SRBD1: variants seen among roughly 807,000 people sequenced by gnomAD.
SRBD1 encodes S1 RNA-binding domain-containing protein 1.
Under a neutral mutation model 115.3 loss-of-function variants are expected in SRBD1, and 88 were observed. The observed-to-expected ratio is 0.76, with a 90% CI of 0.64 to 0.91. The LOEUF (loss-of-function observed/expected upper bound fraction) is 0.91. Ranked by LOEUF, SRBD1 falls within the 40% of genes least tolerant of loss-of-function variation. The pLI is 0.00. For synonymous variants in SRBD1, 509 were observed against 407.7 expected (o/e 1.25, Z -2.99); for missense variants, 1,385 against 1,177.4 (o/e 1.18, Z -2.58).
At chr2:45,425,972 G>C (rs1668141911) in intron 16 of SRBD1, among the ~76,000 whole-genome samples, 1 of 152,002 alleles carries the variant, frequency 6.6e-6, no homozygotes, top group Admixed American at 6.5e-5. Flanking sequence ...TCATACCTCA[G>C]TGGTGTCTGG....
At chr2:45,397,324 T>G (rs532120650) in intron 19 of SRBD1, among the ~76,000 whole-genome samples, 2 of 152,228 alleles carry the variant, frequency 1.3e-5, no homozygotes, top group African/African-American at 4.8e-5. Flanking sequence ...ATAACATATA[T>G]ATGTTACTCT....
At chr2:45,553,442 T>C (rs2304425) in intron 11 of SRBD1, among the ~76,000 whole-genome samples, 181 bp downstream of exon 11, 6,702 of 152,322 alleles carry the variant, frequency 0.044, 248 homozygotes, top group East Asian at 0.15. Flanking sequence ...ACTATTTTTA[T>C]GATCTATGCA....
At chr2:45,581,570 G>T in intron 6 of SRBD1, 123 bp downstream of exon 6, 1 of 658,682 alleles carries the variant, frequency 1.5e-6, no homozygotes, top group Non-Finnish European at 2.5e-6. Context: ...TAAATATTTT[G>T]TTGCATTAAA....
intron 15 of SRBD1, among the ~76,000 whole-genome samples, chr2:45,484,346 G>T (rs1464039898): frequency 1.3e-5 from 2 of 152,072 alleles, no homozygotes; most frequent in Non-Finnish European, 2.9e-5. Context: ...TGTATTGGCA[G>T]AATCCTCTTA....
intron 16 of SRBD1, among the ~76,000 whole-genome samples, chr2:45,469,404 A>G (rs1409191639): frequency 1.8e-4 from 27 of 152,212 alleles, no homozygotes; most frequent in Admixed American, 1.8e-3. Context: ...GCCAAGGTCA[A>G]TGACATACAC....
intron 19 of SRBD1, 95 bp downstream of exon 19, chr2:45,413,019 A>G: frequency 7.2e-7 from 1 of 1,393,810 alleles, no homozygotes; most frequent in East Asian, 2.3e-5. Flanking sequence ...TTAAACGGTC[A>G]TATTTTTCAG....
At chr2:45,508,083 T>TAAACAAATTTAG (rs1670851805) in intron 14 of SRBD1, among the ~76,000 whole-genome samples, 1 of 152,186 alleles carries the variant, frequency 6.6e-6, no homozygotes, top group Non-Finnish European at 1.5e-5. Flanking sequence ...CACAATATGC[T>TAAACAAATTTAG]AAACAAATTT....
chr2:45,591,473 C>T (rs1673721883), intron 4 of SRBD1, among the ~76,000 whole-genome samples: 1 of 152,210 alleles, frequency 6.6e-6, no homozygotes, highest in Non-Finnish European at 1.5e-5. Flanking sequence ...GTGTGAATTA[C>T]TCTTTCTCTA....
intron 16 of SRBD1, among the ~76,000 whole-genome samples, chr2:45,438,097 G>T (rs979230427): frequency 6.6e-6 from 1 of 152,120 alleles, no homozygotes; most frequent in African/African-American, 2.4e-5. Flanking sequence ...ACTGGAGGGG[G>T]CTGTGCATAT....
At chr2:45,466,469 C>T (rs996402693) in intron 16 of SRBD1, among the ~76,000 whole-genome samples, 2 of 152,150 alleles carry the variant, frequency 1.3e-5, no homozygotes, top group Non-Finnish European at 2.9e-5. Context: ...TTAAATAACT[C>T]TCTTCCTTAA....
At chr2:45,591,888 A>C (rs1673736943) in intron 4 of SRBD1, among the ~76,000 whole-genome samples, 2 of 152,214 alleles carry the variant, frequency 1.3e-5, no homozygotes, top group South Asian at 4.1e-4. Flanking sequence ...ACTGAGAGAC[A>C]AAATGGTGGA....
chr2:45,416,269 T>TAA (rs35509335), intron 18 of SRBD1, among the ~76,000 whole-genome samples: 1 of 130,676 alleles, frequency 7.7e-6, no homozygotes, highest in East Asian at 1.9e-4. Context: ...GTATAAAAAT[T>TAA]AAAAAAAACA....
chr2:45,536,208 C>G (rs1441072652), intron 14 of SRBD1, among the ~76,000 whole-genome samples: 1 of 151,624 alleles, frequency 6.6e-6, no homozygotes, highest in East Asian at 1.9e-4. Context: ...TAGTAGACAC[C>G]AACAAATTAA....
At chr2:45,499,122 T>C (rs186703692) in intron 14 of SRBD1, among the ~76,000 whole-genome samples, 126 of 152,306 alleles carry the variant, frequency 8.3e-4, no homozygotes, top group Non-Finnish European at 1.6e-3. Context: ...CAACAGTGTA[T>C]GAGTGTTCAC....
At chr2:45,411,372 C>A (rs1667597634) in intron 19 of SRBD1, among the ~76,000 whole-genome samples, 1 of 152,122 alleles carries the variant, frequency 6.6e-6, no homozygotes, top group Admixed American at 6.5e-5. Context: ...GGTATATTCA[C>A]ACAATGGAAT....
chr2:45,421,752 A>G (rs771369873), intron 16 of SRBD1, among the ~76,000 whole-genome samples: 3 of 152,136 alleles, frequency 2.0e-5, no homozygotes, highest in Non-Finnish European at 4.4e-5. Flanking sequence ...TTGTGATTAC[A>G]TTATTACCAT....
chr2:45,403,675 T>C (rs1343558602), intron 19 of SRBD1, among the ~76,000 whole-genome samples: 1 of 152,194 alleles, frequency 6.6e-6, no homozygotes, highest in Non-Finnish European at 1.5e-5. Context: ...AAGGAGCTCA[T>C]GGCTTTACTA....
At chr2:45,607,709 A>C (rs945692524) in intron 1 of SRBD1, among the ~76,000 whole-genome samples, 1 of 152,200 alleles carries the variant, frequency 6.6e-6, no homozygotes, top group Non-Finnish European at 1.5e-5. Context: ...ATAAACTGAC[A>C]AAGGAATATC....
At chr2:45,581,667 A>C (rs186568899) in intron 6 of SRBD1, 26 bp downstream of exon 6, 1 of 1,574,022 alleles carries the variant, frequency 6.4e-7, no homozygotes, top group African/African-American at 1.4e-5. Flanking sequence ...CAGGTATTAC[A>C]TTAAAAGATA....
Sources: gnomAD v4.1 joint callset for allele counts (sites outside exome capture counted in the v4.1 genomes callset) on GRCh38, gnomAD v4.1.1 for gene constraint, MANE v1.5 for transcripts, NCBI Gene and HGNC (gene_info 2026-07-23, HGNC 2026-07-21) for gene names.